The following CACNA1I variants were observed in gnomAD, a reference collection of about 807,000 sequenced individuals.
CACNA1I encodes calcium voltage-gated channel subunit alpha1 I, also known as voltage-dependent T-type calcium channel subunit alpha-1I.
A neutral mutation model predicts 201.6 loss-of-function variants in CACNA1I; 74 were observed. That is an observed-to-expected ratio of 0.37 (90% CI 0.30 to 0.45). CACNA1I has a LOEUF of 0.45. Among genes scored for constraint, CACNA1I ranks in the 20% least tolerant of loss-of-function variants. The pLI is 1.00. For missense variants in CACNA1I, 2,346 were observed against 3,138.1 expected (o/e 0.75, Z 6.03); for synonymous variants, 1,431 against 1,345.2 (o/e 1.06, Z -1.40).
At chr22:39,679,022 C>G in intron 31 of CACNA1I, 85 bp from the exon 32 acceptor site, 1 of 1,074,902 alleles carries the variant, frequency 9.3e-7, no homozygotes, top group Non-Finnish European at 1.3e-6. Context: ...TTGCTGCCTC[C>G]GAGCGTGGCC....
In CACNA1I at chr22:39,652,059, A is replaced by T. The variant is rs146249331; in HGVS notation, c.1992+2134A>T. Among the ~76,000 whole-genome samples the T allele has an allele frequency of 5.7e-3, 815 of 142,412 alleles. 8 individuals carry two copies. Among genetic ancestry groups the T allele is most frequent in the Middle Eastern group, 0.037 (10 of 268 alleles). The allele number at this position is 142,412 out of a possible 152,430, so 93.4% of individuals were successfully genotyped here. A position where few individuals can be genotyped will look rare whatever the true frequency, so the allele number is the denominator to read the frequency against. Reference sequence around the variant, plus strand: ...GGAGCCTTTTTTTTTTTTGAGATGGAGTCTCACTCTGTTGTCCAGGCTGGA... The same window carrying T: ...GGAGCCTTTTTTTTTTTTGAGATGGTGTCTCACTCTGTTGTCCAGGCTGGA... On this transcript the variant is annotated intron_variant, in intron 10 of 36. Coordinates refer to ENST00000402142, the MANE Select transcript of CACNA1I (RefSeq NM_021096.4).
At position 39,670,172 on chromosome 22, in the gene CACNA1I, T is replaced by C. The variant is rs1214875842; in HGVS notation, c.4329T>C (p.Ala1443=). 8 of 1,613,876 alleles carry C rather than the reference T, an allele frequency of 5.0e-6. No homozygotes were observed. Among genetic ancestry groups the C allele is most frequent in the Middle Eastern group, 1.7e-4 (1 of 6,058 alleles). Residue 1443 remains alanine, a synonymous_variant, in exon 25 of 37, where the codon GCT becomes GCC. Transcript: ENST00000402142. ...ACAAGTGCCGGCAGCACCAGGAGGCTGAAGAGGCACGGCGGCGTGAGGAGA... is the reference window on the plus strand; with the variant it reads ...ACAAGTGCCGGCAGCACCAGGAGGCCGAAGAGGCACGGCGGCGTGAGGAGA... ...NFHKCRQHQE[A]EEARRREEKR...
chr22:39,572,595 G>C (rs1932221119), intron 1 of CACNA1I, among the ~76,000 whole-genome samples: 1 of 152,108 alleles, frequency 6.6e-6, no homozygotes, highest in Non-Finnish European at 1.5e-5. Context: ...TGCTCCTTCT[G>C]GGGGACGGCT....
At chr22:39,664,017 C>A in intron 19 of CACNA1I, 74 bp from the exon 20 acceptor site, 1 of 1,555,144 alleles carries the variant, frequency 6.4e-7, no homozygotes, top group Non-Finnish European at 8.9e-7. Flanking sequence ...CGAACCTTGG[C>A]CAAAGCAGCG....
At chr22:39,621,362 C>A (rs1933738744) in intron 4 of CACNA1I, among the ~76,000 whole-genome samples, 2 of 151,512 alleles carry the variant, frequency 1.3e-5, no homozygotes, top group African/African-American at 4.9e-5. Flanking sequence ...TTCCTTTATT[C>A]CTAGCCCTGG....
At chr22:39,595,016 G>C (rs1056009323) in intron 1 of CACNA1I, among the ~76,000 whole-genome samples, 2 of 152,134 alleles carry the variant, frequency 1.3e-5, no homozygotes, top group African/African-American at 4.8e-5. Flanking sequence ...CACGCCAGGC[G>C]CGGTGGCTCA....
At position 39,659,633 on chromosome 22, in the gene CACNA1I, G is replaced by GCCT; in HGVS notation, c.2449-60_2449-58dup. 1 of 1,605,372 alleles carries GCCT rather than the reference G, an allele frequency of 6.2e-7. No individual in the cohort carries two copies. The highest frequency in any genetic ancestry group is 8.5e-7 in the Non-Finnish European group (1 of 1,172,590). On this transcript the variant is annotated intron_variant, in intron 13 of 36. Transcript: ENST00000402142. The surrounding 1 kb of genome is among the most constrained non-coding windows in gnomAD (Gnocchi z 4.3). ...GAGGGGCGGGGCTGACAACTCCCAT[G>GCCT]CCTCCTTGTAGAGCCTAGCCCTGGA...
At chr22:39,594,263 G>A (rs577802023) in intron 1 of CACNA1I, among the ~76,000 whole-genome samples, 4 of 152,190 alleles carry the variant, frequency 2.6e-5, no homozygotes, top group African/African-American at 7.2e-5. Flanking sequence ...CAGGGGCACC[G>A]GGCTCCTGGG....
rs5757749 is a variant in CACNA1I at position 39,615,901 on chromosome 22, A to G, written c.483-3409A>G. ...GTCAAGATCTTTCATGCTGCTAAGA[A>G]CTCAGTAATATCACATTTCCTTTTT... is the stretch of plus-strand genomic sequence containing the variant. On this transcript the variant is annotated intron_variant, in intron 3 of 36. Transcript: ENST00000402142. Among the ~76,000 whole-genome samples, 1,208 of 152,230 alleles carry G rather than the reference A, an allele frequency of 7.9e-3. 77 individuals carry two copies. The East Asian group carries it at 0.17, about 22-fold the overall frequency.
chr22:39,605,159 A>G (rs1445047632), intron 3 of CACNA1I, among the ~76,000 whole-genome samples: 1 of 143,138 alleles, frequency 7.0e-6, no homozygotes, highest in East Asian at 2.1e-4. Context: ...TAACCGGCCT[A>G]TTTGCTCCCT....
Position 39,684,726 on chromosome 22 carries a change from G to C in CACNA1I, c.6027+228G>C. The C allele has an allele frequency of 1.6e-6, 1 of 608,012 alleles. No homozygotes were observed. Among genetic ancestry groups the C allele is most frequent in the Non-Finnish European group, 2.9e-6 (1 of 342,854 alleles). 37.7% of individuals were successfully genotyped at this position (608,012 alleles called of 1,614,324 possible). A position where few individuals can be genotyped will look rare whatever the true frequency, so the allele number is the denominator to read the frequency against. ...TGGGTCCTGGGGACAGCAGAGTGTGGGGAGGACCCCAAGGCGGGTCTGGAA... is the reference window on the plus strand; with the variant it reads ...TGGGTCCTGGGGACAGCAGAGTGTGCGGAGGACCCCAAGGCGGGTCTGGAA... On this transcript the variant is annotated intron_variant, in intron 36 of 36. Transcript: ENST00000402142. This position sits in a 1 kb window ranked among gnomAD's most constrained non-coding sequence, Gnocchi z 4.6.
intron 4 of CACNA1I, among the ~76,000 whole-genome samples, chr22:39,623,784 G>GTGTGTAT (rs1336252752): frequency 4.8e-4 from 72 of 150,338 alleles, no homozygotes; most frequent in African/African-American, 1.7e-3. Context: ...GCCTGTGGGG[G>GTGTGTAT]TGTGTATGTC....
At chr22:39,577,494 A>G (rs1020383784) in intron 1 of CACNA1I, among the ~76,000 whole-genome samples, 2 of 152,226 alleles carry the variant, frequency 1.3e-5, no homozygotes, top group Non-Finnish European at 2.9e-5. Context: ...GCTGCGCGTG[A>G]CGAGGGTTGA....
Position 39,649,839 on chromosome 22 carries a change from A to C in CACNA1I, c.1906A>C (p.Ile636Leu). ...WRETRAKLRG[I>L]VDSKYFNRGI... ...GGAGACGCGAGCCAAGCTGCGCGGC[A>C]TCGTGGACAGCAAGTACTTCAACCG... The change falls in exon 10 of 37, where the codon ATC (isoleucine) becomes CTC (leucine). Residue 636 changes from isoleucine (I) to leucine (L), a missense_variant. Physicochemically the swap from Ile to Leu is conservative, Grantham distance 5. Coordinates refer to ENST00000402142, the MANE Select transcript of CACNA1I (RefSeq NM_021096.4). The surrounding 1 kb of genome is among the most constrained non-coding windows in gnomAD (Gnocchi z 7.3). The C allele has an allele frequency of 6.2e-7, 1 of 1,613,612 alleles. No individual in the cohort carries two copies. Among genetic ancestry groups the C allele is most frequent in the South Asian group, 1.1e-5 (1 of 91,084 alleles).
In CACNA1I at chr22:39,670,205, G is replaced by A. The variant is rs1935327883; in HGVS notation, c.4362G>A (p.Leu1454=). ...CACGGCGGCGTGAGGAGAAGCGGCTGCGGCGCCTGGAGAAGAAGCGCCGGA... is the reference window on the plus strand; with the variant it reads ...CACGGCGGCGTGAGGAGAAGCGGCTACGGCGCCTGGAGAAGAAGCGCCGGA... ...EEARRREEKR[L]RRLEKKRRKA... Residue 1454 remains leucine (L), a synonymous_variant, in exon 25 of 37, where the codon CTG becomes CTA. Transcript: ENST00000402142. The A allele has an allele frequency of 6.2e-7, 1 of 1,613,390 alleles. No individual in the cohort carries two copies. Among genetic ancestry groups the A allele is most frequent in the Admixed American group, 1.7e-5 (1 of 60,012 alleles).
chr22:39,679,481 AG>A (rs1234957046), intron 32 of CACNA1I, 36 bp downstream of exon 32: 7 of 1,350,216 alleles, frequency 5.2e-6, no homozygotes, highest in South Asian at 1.6e-5. Flanking sequence ...GGGTCGCCAG[AG>A]GGGGGGCACC....
rs146287176 is a variant in CACNA1I, at chr22:39,684,767, T to C, written c.6027+269T>C. 637 of 589,760 alleles carry C rather than the reference T, an allele frequency of 1.1e-3. 2 individuals are homozygous for C. The highest frequency in any genetic ancestry group is 1.6e-3 in the Non-Finnish European group (535 of 331,466). 36.5% of individuals were successfully genotyped at this position (589,760 alleles called of 1,614,324 possible). On this transcript the variant is annotated intron_variant, in intron 36 of 36. Coordinates refer to ENST00000402142, the MANE Select transcript of CACNA1I (RefSeq NM_021096.4). The surrounding 1 kb of genome is among the most constrained non-coding windows in gnomAD (Gnocchi z 4.6). ...GGGTCTGGAAGAGGCCTGTGATCCCTAGCTTGAGGGGAGGGGAGGAGAGGA... is the reference window on the plus strand; with the variant it reads ...GGGTCTGGAAGAGGCCTGTGATCCCCAGCTTGAGGGGAGGGGAGGAGAGGA...
rs886843607 is a variant in CACNA1I at position 39,687,025 on chromosome 22, A to G, written c.*620A>G. 1.3e-5 allele frequency: 2 copies of G among 151,854 alleles called. No individual in the cohort carries two copies. Among genetic ancestry groups the G allele is most frequent in the African/African-American group, 2.4e-5 (1 of 41,316 alleles). 9.4% of individuals were successfully genotyped at this position (151,854 alleles called of 1,614,324 possible). A position where few individuals can be genotyped will look rare whatever the true frequency, so the allele number is the denominator to read the frequency against. On this transcript the variant is annotated 3_prime_UTR_variant, in exon 37 of 37. Coordinates refer to ENST00000402142, the MANE Select transcript of CACNA1I (RefSeq NM_021096.4). ...TCGGGGTGTCTGTCCTGTCATCCTG[A>G]CTGTCTCGTTATTGTGAAGTCTTTC...
At chr22:39,587,532 C>A (rs1284615010) in intron 1 of CACNA1I, among the ~76,000 whole-genome samples, 2 of 152,084 alleles carry the variant, frequency 1.3e-5, no homozygotes. Flanking sequence ...GTAATAATGT[C>A]TGCCATGCCT....
Sources: gnomAD v4.1 joint callset for allele counts (sites outside exome capture counted in the v4.1 genomes callset) on GRCh38, gnomAD v4.1.1 for gene constraint, Gnocchi (gnomAD v3.1) non-coding constraint, MANE v1.5 for transcripts, NCBI Gene and HGNC (gene_info 2026-07-23, HGNC 2026-07-21) for gene names.